KCNN2: variants seen among roughly 807,000 people sequenced by gnomAD.
The protein encoded by KCNN2 is potassium calcium-activated channel subfamily N member 2, also known as small conductance calcium-activated potassium channel protein 2.
Under a neutral mutation model 55.5 loss-of-function variants are expected in KCNN2, and 24 were observed. The observed-to-expected ratio is 0.43, with a 90% CI of 0.31 to 0.61. KCNN2 has a LOEUF of 0.61. Ranked by LOEUF, KCNN2 falls within the 20% of genes least tolerant of loss-of-function variation. KCNN2 has a pLI of 0.08. For synonymous variants in KCNN2, 431 were observed against 336.1 expected (o/e 1.28, Z -3.09); for missense variants, 754 against 853.6 (o/e 0.88, Z 1.45).
intron 2 of KCNN2, among the ~76,000 whole-genome samples, chr5:114,372,633 T>G (rs1757797144): frequency 6.6e-6 from 1 of 152,094 alleles, no homozygotes; most frequent in Non-Finnish European, 1.5e-5. Flanking sequence ...GTTAGAAAAT[T>G]TGTGAAACAT....
intron 2 of KCNN2, among the ~76,000 whole-genome samples, chr5:114,298,526 G>A (rs1002795817): frequency 6.6e-6 from 1 of 152,106 alleles, no homozygotes; most frequent in African/African-American, 2.4e-5. Flanking sequence ...AGACTTTAGG[G>A]TTTTGGAGTT....
At position 114,320,979 on chromosome 5, in the gene KCNN2, G is replaced by A. The variant is rs115741603; in HGVS notation, c.-184-39966G>A. ...ATTGCACAGATCTCTGATGGAATGC[G>A]AAAGGCTCCAGCTGAGCCCTTAGAA... On this transcript the variant is annotated intron_variant, in intron 2 of 10. Transcript: ENST00000512097. 4.4e-3 allele frequency among the ~76,000 whole-genome samples: 673 copies of A among 152,262 alleles called. 6 individuals carry two copies. Among genetic ancestry groups the A allele is most frequent in the African/African-American group, 0.016 (654 of 41,546 alleles).
chr5:114,235,743 A>C (rs1279937837), intron 2 of KCNN2, among the ~76,000 whole-genome samples: 1 of 152,236 alleles, frequency 6.6e-6, no homozygotes, highest in Non-Finnish European at 1.5e-5. Context: ...TACATCACAA[A>C]AGTCTTCTTT....
intron 1 of KCNN2, among the ~76,000 whole-genome samples, chr5:114,199,300 T>C (rs572433506): frequency 6.6e-6 from 1 of 152,240 alleles, no homozygotes; most frequent in South Asian, 2.1e-4. Context: ...GTACTTTCCA[T>C]CTATATGTGT....
chr5:114,264,463 C>G (rs1355422100), intron 2 of KCNN2, among the ~76,000 whole-genome samples: 1 of 152,082 alleles, frequency 6.6e-6, no homozygotes, highest in African/African-American at 2.4e-5. Flanking sequence ...ATGCTTTTGT[C>G]ATAAAACTAC....
At position 114,364,029 on chromosome 5, in the gene KCNN2, G is replaced by C. The variant is rs747447999; in HGVS notation, c.1218+28G>C. The C allele has an allele frequency of 2.0e-6, 3 of 1,531,570 alleles. No individual in the cohort carries two copies. The African/African-American group carries it at 4.1e-5, about 21-fold the overall frequency. 94.9% of individuals were successfully genotyped at this position (1,531,570 alleles called of 1,614,324 possible). ...AACTTAGGTCCTGCTGTTTATGAAT[G>C]ACCCAAAGCCCTACAGTCAGCCTAG... On this transcript the variant is annotated intron_variant, in intron 2 of 7. Transcript: ENST00000673685.
intron 2 of KCNN2, among the ~76,000 whole-genome samples, chr5:114,245,078 G>A (rs1402568320): frequency 6.6e-6 from 1 of 152,200 alleles, no homozygotes; most frequent in East Asian, 1.9e-4. Flanking sequence ...TTAGCCATTT[G>A]CAAACAAATT....
intron 1 of KCNN2, among the ~76,000 whole-genome samples, chr5:114,218,668 C>T (rs138976515): frequency 1.3e-5 from 2 of 152,272 alleles, no homozygotes; most frequent in East Asian, 1.9e-4. Context: ...TGTCATTATA[C>T]GTTTGTTCAA....
At chr5:114,325,013 G>T (rs1756688737) in intron 2 of KCNN2, among the ~76,000 whole-genome samples, 1 of 152,154 alleles carries the variant, frequency 6.6e-6, no homozygotes, top group African/African-American at 2.4e-5. Context: ...AAGAAATAAG[G>T]AACTTGTTAT....
chr5:114,443,064 G>A (rs1760275563), intron 3 of KCNN2, among the ~76,000 whole-genome samples: 1 of 152,066 alleles, frequency 6.6e-6, no homozygotes, highest in African/African-American at 2.4e-5. Flanking sequence ...AGGCTGAGGG[G>A]GTCAGATCAC....
At chr5:114,472,097 C>A (rs1357724475) in intron 4 of KCNN2, among the ~76,000 whole-genome samples, 1 of 152,148 alleles carries the variant, frequency 6.6e-6, no homozygotes, top group Non-Finnish European at 1.5e-5. Context: ...GGTGTGACTT[C>A]CCTTTCACAG....
chr5:114,059,082 C>G (rs1432884072), intron 1 of KCNN2, among the ~76,000 whole-genome samples: 1 of 152,068 alleles, frequency 6.6e-6, no homozygotes, highest in Non-Finnish European at 1.5e-5. Context: ...GTTGGTGCAT[C>G]TGGGTGGTGG....
intron 2 of KCNN2, among the ~76,000 whole-genome samples, chr5:114,367,432 T>C (rs1216283113): frequency 8.5e-5 from 13 of 152,218 alleles, no homozygotes; most frequent in Admixed American, 5.9e-4. Context: ...TCAGGTGATA[T>C]TGAACTTGTT....
chr5:114,363,689 C>T (rs751321822), intron 1 of KCNN2, among the ~76,000 whole-genome samples: 1 of 152,174 alleles, frequency 6.6e-6, no homozygotes, highest in Non-Finnish European at 1.5e-5. Context: ...AGCCCAGCCA[C>T]GCGTCTTCCC....
chr5:114,480,436 A>G (rs1762174899), intron 5 of KCNN2, among the ~76,000 whole-genome samples: 1 of 152,200 alleles, frequency 6.6e-6, no homozygotes. Context: ...GGCACGAAGA[A>G]GAGCTGGTGC....
At chr5:114,179,203 C>T (rs1295604243) in intron 1 of KCNN2, among the ~76,000 whole-genome samples, 1 of 152,158 alleles carries the variant, frequency 6.6e-6, no homozygotes, top group Non-Finnish European at 1.5e-5. Context: ...TCTCTCCCAA[C>T]GTTTAATTAA....
At chr5:114,420,836 A>G (rs1759451570) in intron 3 of KCNN2, among the ~76,000 whole-genome samples, 1 of 152,232 alleles carries the variant, frequency 6.6e-6, no homozygotes, top group Non-Finnish European at 1.5e-5. Context: ...TTGATCCTTC[A>G]GACAGGCTGT....
At chr5:114,429,680 C>G (rs890772914) in intron 3 of KCNN2, among the ~76,000 whole-genome samples, 1 of 151,938 alleles carries the variant, frequency 6.6e-6, no homozygotes, top group Non-Finnish European at 1.5e-5. Flanking sequence ...TTGGCAAACC[C>G]AAGTTTACCT....
intron 1 of KCNN2, among the ~76,000 whole-genome samples, chr5:114,133,467 A>C (rs1245777755): frequency 6.6e-6 from 1 of 152,202 alleles, no homozygotes; most frequent in African/African-American, 2.4e-5. Context: ...GGGAACAAAA[A>C]GTCAGGGAGC....
Sources: gnomAD v4.1 joint callset for allele counts (sites outside exome capture counted in the v4.1 genomes callset) on GRCh38, gnomAD v4.1.1 for gene constraint, MANE v1.5 for transcripts, NCBI Gene and HGNC (gene_info 2026-07-23, HGNC 2026-07-21) for gene names.